Variants in CTNND2 observed in about 807,000 individuals in gnomAD.
CTNND2 encodes the protein catenin delta 2, also known as catenin delta-2.
CTNND2 carries 22 observed loss-of-function variants against 144.4 expected under a neutral mutation model. The observed-to-expected ratio is 0.15, with a 90% CI of 0.11 to 0.22. CTNND2 has a LOEUF of 0.22. Among genes scored for constraint, CTNND2 ranks in the 10% least tolerant of loss-of-function variants. The pLI is 1.00. For missense variants in CTNND2, 1,353 were observed against 1,618.8 expected (o/e 0.84, Z 2.82); for synonymous variants, 751 against 695.6 (o/e 1.08, Z -1.25).
intron 16 of CTNND2, among the ~76,000 whole-genome samples, chr5:11,055,816 G>A (rs1053404204): frequency 6.6e-6 from 1 of 152,122 alleles, no homozygotes; most frequent in Non-Finnish European, 1.5e-5. Context: ...AGCTGCTACT[G>A]GCCTACACCC....
chr5:11,233,711 C>T (rs201437838), intron 10 of CTNND2, among the ~76,000 whole-genome samples: 27 of 111,958 alleles, frequency 2.4e-4, no homozygotes, highest in African/African-American at 8.7e-4. Context: ...TTAGAGTTTA[C>T]GTGTCTGTGT....
In CTNND2 at chr5:11,670,865, T is replaced by A. The variant is rs139805718; in HGVS notation, c.174+61271A>T. On this transcript the variant is annotated intron_variant, in intron 2 of 21. Transcript: ENST00000304623. ...CCCCTTAGTTGATGAAGTTTCTTCA[T>A]AGTGTCAATGGTCTTTACAATTTGG... Among the ~76,000 whole-genome samples the A allele has an allele frequency of 2.6e-5, 4 of 152,222 alleles. No individual in the cohort carries two copies. The South Asian group carries it at 6.2e-4, about 24-fold the overall frequency.
At chr5:11,875,618 G>A (rs1355784742) in intron 1 of CTNND2, among the ~76,000 whole-genome samples, 2 of 152,136 alleles carry the variant, frequency 1.3e-5, no homozygotes, top group Non-Finnish European at 2.9e-5. Flanking sequence ...GGGAAGAGAT[G>A]TCACAACTCT....
At chr5:11,101,889 G>GTA (rs1020319336) in intron 14 of CTNND2, among the ~76,000 whole-genome samples, 3 of 129,000 alleles carry the variant, frequency 2.3e-5, no homozygotes, top group Non-Finnish European at 3.3e-5. Flanking sequence ...GACCACATAT[G>GTA]TGTGTGTGTG....
At chr5:11,433,019 C>A (rs781098071) in intron 3 of CTNND2, among the ~76,000 whole-genome samples, 2 of 152,122 alleles carry the variant, frequency 1.3e-5, no homozygotes, top group Non-Finnish European at 2.9e-5. Context: ...CCAAGGCAGG[C>A]GGATCACGAG....
intron 3 of CTNND2, among the ~76,000 whole-genome samples, chr5:11,554,889 T>C (rs952151463): frequency 6.7e-6 from 1 of 149,342 alleles, no homozygotes; most frequent in Non-Finnish European, 1.5e-5. Flanking sequence ...ATATACTATT[T>C]AATGTACTGT....
intron 11 of CTNND2, among the ~76,000 whole-genome samples, chr5:11,172,056 A>T (rs1442871079): frequency 6.6e-6 from 1 of 152,164 alleles, no homozygotes; most frequent in African/African-American, 2.4e-5. Context: ...AAAAACAATG[A>T]CAAAAATGGC....
chr5:11,352,263 G>C (rs1403643370), intron 8 of CTNND2, among the ~76,000 whole-genome samples: 1 of 152,142 alleles, frequency 6.6e-6, no homozygotes, highest in Non-Finnish European at 1.5e-5. Flanking sequence ...GGCCAAACAT[G>C]CCTATCACAT....
chr5:10,981,989 A>G lies in CTNND2; in HGVS notation c.3344-143T>C, dbSNP rs1170293940. 7.8e-6 allele frequency: 5 copies of G among 644,892 alleles called. No individual in the cohort carries two copies. The East Asian group carries it at 1.4e-4, about 17-fold the overall frequency. 39.9% of individuals were successfully genotyped at this position (644,892 alleles called of 1,614,324 possible). A position where few individuals can be genotyped will look rare whatever the true frequency, so the allele number is the denominator to read the frequency against. ...AGTAGAAGACATTCTTTGGCCCTGA[A>G]CACTTCATTTTACATACAGATATTA... On this transcript the variant is annotated intron_variant, in intron 20 of 21. Coordinates refer to ENST00000304623, the MANE Select transcript of CTNND2 (RefSeq NM_001332.4).
At chr5:11,034,517 C>T (rs1263979928) in intron 16 of CTNND2, among the ~76,000 whole-genome samples, 1 of 152,154 alleles carries the variant, frequency 6.6e-6, no homozygotes, top group African/African-American at 2.4e-5. Flanking sequence ...CAAATATCTG[C>T]AAATGTACAA....
intron 2 of CTNND2, among the ~76,000 whole-genome samples, chr5:11,625,554 G>A (rs1781114148): frequency 6.6e-6 from 1 of 151,958 alleles, no homozygotes; most frequent in Non-Finnish European, 1.5e-5. Flanking sequence ...TGCAATCATG[G>A]ATTAAACATT....
At chr5:11,734,350 C>T (rs1207560239) in intron 1 of CTNND2, among the ~76,000 whole-genome samples, 1 of 152,148 alleles carries the variant, frequency 6.6e-6, no homozygotes, top group Non-Finnish European at 1.5e-5. Context: ...CCAAAATCCC[C>T]ACATGTAGTG....
intron 2 of CTNND2, among the ~76,000 whole-genome samples, chr5:11,612,375 G>C (rs780228777): frequency 6.6e-6 from 1 of 152,114 alleles, no homozygotes; most frequent in Non-Finnish European, 1.5e-5. Flanking sequence ...TTAAAGACTA[G>C]TACTAAGTAG....
intron 12 of CTNND2, among the ~76,000 whole-genome samples, chr5:11,129,505 T>C (rs1755349511): frequency 6.7e-6 from 1 of 149,974 alleles, no homozygotes; most frequent in Admixed American, 6.8e-5. Context: ...TTTCTGAGGC[T>C]GAACTACGTG....
intron 9 of CTNND2, among the ~76,000 whole-genome samples, chr5:11,250,491 C>CTCTCTACATA (rs869141186): frequency 1.6e-5 from 1 of 64,120 alleles, no homozygotes; most frequent in East Asian, 5.0e-4. Flanking sequence ...CTCTCTCTCT[C>CTCTCTACATA]TATATATATA....
chr5:11,194,756 A>G (rs189431093), intron 11 of CTNND2, among the ~76,000 whole-genome samples: 77 of 152,364 alleles, frequency 5.1e-4, no homozygotes, highest in Middle Eastern at 3.4e-3. Flanking sequence ...AGAGATAAAA[A>G]CAAACTTCAG....
At chr5:11,306,000 A>T (rs1371729682) in intron 9 of CTNND2, among the ~76,000 whole-genome samples, 1 of 152,210 alleles carries the variant, frequency 6.6e-6, no homozygotes, top group Non-Finnish European at 1.5e-5. Context: ...TAGGCACTAG[A>T]CCCATCCCAG....
At chr5:11,521,286 G>A (rs1041283857) in intron 3 of CTNND2, among the ~76,000 whole-genome samples, 1 of 152,258 alleles carries the variant, frequency 6.6e-6, no homozygotes, top group Admixed American at 6.5e-5. Context: ...TAACATCAAG[G>A]CACATATCTG....
At chr5:11,388,741 A>C (rs1759330386) in intron 6 of CTNND2, among the ~76,000 whole-genome samples, 1 of 152,242 alleles carries the variant, frequency 6.6e-6, no homozygotes, top group South Asian at 2.1e-4. Context: ...CATTCAAGCC[A>C]GCTGCACAAT....
Sources: gnomAD v4.1 joint callset for allele counts (sites outside exome capture counted in the v4.1 genomes callset) on GRCh38, gnomAD v4.1.1 for gene constraint, MANE v1.5 for transcripts, NCBI Gene and HGNC (gene_info 2026-07-23, HGNC 2026-07-21) for gene names.